Variants in C12orf42 observed in about 807,000 individuals in gnomAD.
C12orf42 encodes chromosome 12 open reading frame 42, also known as uncharacterized protein C12orf42.
A neutral mutation model predicts 21.6 loss-of-function variants in C12orf42; 25 were observed. That is an observed-to-expected ratio of 1.16 (90% CI 0.84 to 1.62). C12orf42 has a LOEUF of 1.62. Ranked by LOEUF, C12orf42 falls within the 40% of genes most tolerant of loss-of-function variation. The pLI, the probability that C12orf42 is intolerant of heterozygous loss-of-function variation, is 0.00. For synonymous variants in C12orf42, 174 were observed against 175.0 expected, an observed-to-expected ratio of 0.99 and a Z score of 0.05; for missense variants, 483 against 459.3, an observed-to-expected ratio of 1.05 and a Z score of -0.47.
chr12:103,337,782 C>T (rs1198773763), intron 4 of C12orf42, among the ~76,000 whole-genome samples: 1 of 152,146 alleles, frequency 6.6e-6, no homozygotes, highest in Non-Finnish European at 1.5e-5. Flanking sequence ...ATTCCCAGCC[C>T]AATACTTACA....
the C12orf42 span, among the ~76,000 whole-genome samples, chr12:103,539,004 G>A: frequency 1.6e-4 from 24 of 152,278 alleles, 1 homozygote; most frequent in Admixed American, 4.6e-4. Flanking sequence ...AGGCAAGCAC[G>A]AGTACAAATA....
At chr12:103,534,420 A>G in the C12orf42 span, among the ~76,000 whole-genome samples, 1 of 152,138 alleles carries the variant, frequency 6.6e-6, no homozygotes, top group Admixed American at 6.5e-5. Flanking sequence ...CCATAAAAGG[A>G]ATCCCCAGTA....
downstream of C12orf42, among the ~76,000 whole-genome samples, chr12:103,264,716 A>G (rs181768655): frequency 1.1e-4 from 16 of 152,274 alleles, no homozygotes; most frequent in African/African-American, 3.6e-4. Flanking sequence ...GAAGAATACA[A>G]AACAGGTGTA....
At chr12:103,098,892 T>A in the C12orf42 span, among the ~76,000 whole-genome samples, 6 of 152,212 alleles carry the variant, frequency 3.9e-5, no homozygotes, top group Non-Finnish European at 8.8e-5. Flanking sequence ...GTGGATTTGA[T>A]TGAGCAAAGA....
intron 2 of C12orf42, among the ~76,000 whole-genome samples, chr12:103,440,068 C>T (rs1340804109): frequency 6.9e-6 from 1 of 144,176 alleles, no homozygotes; most frequent in African/African-American, 2.6e-5. Flanking sequence ...CCATGGAATA[C>T]TATGCAGCCA....
the C12orf42 span, among the ~76,000 whole-genome samples, chr12:103,127,252 G>A: frequency 6.6e-6 from 1 of 152,156 alleles, no homozygotes; most frequent in Non-Finnish European, 1.5e-5. Context: ...ACTAATTGTT[G>A]TGTTTCTTAT....
At chr12:103,100,545 T>C in the C12orf42 span, among the ~76,000 whole-genome samples, 2 of 152,234 alleles carry the variant, frequency 1.3e-5, no homozygotes, top group African/African-American at 4.8e-5. Context: ...ACTGGGCTGC[T>C]ATAGGCCCAG....
chr12:103,107,093 C>T, the C12orf42 span, among the ~76,000 whole-genome samples: 1 of 151,890 alleles, frequency 6.6e-6, no homozygotes, highest in African/African-American at 2.4e-5. Flanking sequence ...ATAACTAAAT[C>T]ATATAGACTC....
the C12orf42 span, among the ~76,000 whole-genome samples, chr12:103,108,138 AAAAG>A: frequency 1.3e-5 from 2 of 151,332 alleles, no homozygotes; most frequent in African/African-American, 2.4e-5. Flanking sequence ...TAATTTTTTA[AAAAG>A]AAAGGAAAAA....
At chr12:103,154,974 C>T in the C12orf42 span, among the ~76,000 whole-genome samples, 1 of 152,074 alleles carries the variant, frequency 6.6e-6, no homozygotes, top group Non-Finnish European at 1.5e-5. Flanking sequence ...ATACTTAGTC[C>T]TGTGTATTAT....
At chr12:103,449,049 G>C (rs1255047547) in intron 2 of C12orf42, among the ~76,000 whole-genome samples, 1 of 151,576 alleles carries the variant, frequency 6.6e-6, no homozygotes, top group Non-Finnish European at 1.5e-5. Context: ...CAGCCCAAAT[G>C]CCCATCAATC....
intron 3 of C12orf42, among the ~76,000 whole-genome samples, chr12:103,374,222 T>G (rs1393141298): frequency 6.6e-6 from 1 of 152,230 alleles, no homozygotes; most frequent in Non-Finnish European, 1.5e-5. Context: ...ACTTTTATTC[T>G]ACTTTCATGA....
At chr12:103,471,758 T>A (rs548795042) in intron 2 of C12orf42, among the ~76,000 whole-genome samples, 23 of 152,318 alleles carry the variant, frequency 1.5e-4, no homozygotes, top group Non-Finnish European at 2.9e-4. Flanking sequence ...TATATATAAC[T>A]GAAATAAAAG....
At chr12:103,065,823 A>G in the C12orf42 span, among the ~76,000 whole-genome samples, 1 of 152,190 alleles carries the variant, frequency 6.6e-6, no homozygotes, top group Non-Finnish European at 1.5e-5. Flanking sequence ...AGATTTTGGG[A>G]GCAACACATT....
chr12:103,411,783 C>T (rs1370995584), intron 2 of C12orf42, among the ~76,000 whole-genome samples: 1 of 152,114 alleles, frequency 6.6e-6, no homozygotes, highest in African/African-American at 2.4e-5. Context: ...TATAAATTAC[C>T]CTATCTAAAG....
intron 10 of C12orf42, among the ~76,000 whole-genome samples, chr12:103,254,523 C>G (rs1313767859): frequency 6.6e-6 from 1 of 152,112 alleles, no homozygotes; most frequent in Non-Finnish European, 1.5e-5. Context: ...ACACATAGAC[C>G]AGTGAAACAG....
chr12:103,235,196 T>C (rs1166513456), downstream of C12orf42, among the ~76,000 whole-genome samples: 1 of 152,188 alleles, frequency 6.6e-6, no homozygotes, highest in African/African-American at 2.4e-5. Flanking sequence ...AGAGTTGTGC[T>C]AAAACAACTT....
At chr12:103,196,738 G>A in the C12orf42 span, among the ~76,000 whole-genome samples, 1 of 151,916 alleles carries the variant, frequency 6.6e-6, no homozygotes, top group African/African-American at 2.4e-5. Context: ...AACAAGAATA[G>A]CGACCTCTAC....
exon 11 of C12orf42, chr12:103,237,765 T>A (rs2033519791): frequency 2.6e-5 from 4 of 152,166 alleles, no homozygotes; most frequent in Admixed American, 2.6e-4. Context: ...CCTTCATTGG[T>A]TAGTGCAGAC....
Sources: gnomAD v4.1 joint callset for allele counts (sites outside exome capture counted in the v4.1 genomes callset) on GRCh38, gnomAD v4.1.1 for gene constraint, MANE v1.5 for transcripts, NCBI Gene and HGNC (gene_info 2026-07-23, HGNC 2026-07-21) for gene names.